The following TBX5 variants were observed in gnomAD, a reference collection of about 807,000 sequenced individuals.
TBX5 encodes the protein T-box transcription factor TBX5.
In TBX5, 8 loss-of-function variants were observed where a neutral mutation model predicts 51.1. The ratio of observed to expected loss-of-function variants is 0.16; its 90% CI spans 0.09 to 0.28. The LOEUF is 0.28. TBX5 is among the 10% of genes least tolerant of loss of function. The pLI, the probability that TBX5 is intolerant of heterozygous loss-of-function variation, is 1.00. For missense variants in TBX5, 589 were observed against 671.7 expected, an observed-to-expected ratio of 0.88 and a Z score of 1.36; for synonymous variants, 302 against 266.4, an observed-to-expected ratio of 1.13 and a Z score of -1.30.
At chr12:114,370,645 C>T (rs1389713831) in intron 7 of TBX5, among the ~76,000 whole-genome samples, 1 of 142,306 alleles carries the variant, frequency 7.0e-6, no homozygotes, top group East Asian at 1.9e-4. Context: ...CTCCCTCTCT[C>T]TCTCTCTCTC....
chr12:114,366,939 G>C (rs572604317), intron 7 of TBX5, among the ~76,000 whole-genome samples: 4 of 152,294 alleles, frequency 2.6e-5, no homozygotes, highest in Admixed American at 2.6e-4. Context: ...CTGAGCTTCT[G>C]TCCTTGTGGC....
chr12:114,364,109 T>C (rs1869384915), intron 8 of TBX5, among the ~76,000 whole-genome samples: 1 of 152,232 alleles, frequency 6.6e-6, no homozygotes, highest in Non-Finnish European at 1.5e-5. Context: ...ATGACAGCTC[T>C]TCCCTCCTTT....
Position 114,372,100 on chromosome 12 carries a change from G to A in TBX5, c.756-5709C>T, listed in dbSNP as rs183068012. 1.1e-3 allele frequency among the ~76,000 whole-genome samples: 167 copies of A among 152,218 alleles called. 2 individuals are homozygous for A. The highest frequency in any genetic ancestry group is 3.4e-3 in the African/African-American group (142 of 41,524). ...AATAACAGACATTGGAGGCTCCGAC[G>A]GGTGGGAGGTGGGTGAGGGATGAGA... On this transcript the variant is annotated intron_variant, in intron 7 of 8. Coordinates refer to ENST00000405440, the MANE Select transcript of TBX5 (RefSeq NM_181486.4).
chr12:114,407,146 G>C, upstream of TBX5: 6 of 982,078 alleles, frequency 6.1e-6, no homozygotes, highest in Non-Finnish European at 7.3e-6. Flanking sequence ...TAAAATCCCA[G>C]GCCAGGCCAT....
chr12:114,397,281 C>G (rs1397651033), intron 5 of TBX5, among the ~76,000 whole-genome samples: 1 of 152,116 alleles, frequency 6.6e-6, no homozygotes, highest in African/African-American at 2.4e-5. Context: ...TTAGAGAGAC[C>G]TAGCCGCAAA....
Position 114,378,631 on chromosome 12 carries a change from G to GT in TBX5, c.755+6844dup, listed in dbSNP as rs112105305. Among the ~76,000 whole-genome samples, 652 of 152,044 alleles carry GT rather than the reference G, an allele frequency of 4.3e-3. 5 individuals carry two copies. The highest frequency in any genetic ancestry group is 0.015 in the African/African-American group (616 of 41,512). On this transcript the variant is annotated intron_variant, in intron 7 of 8. Transcript: ENST00000405440. ...TTGAACCTGTTTTCTGTTTTGTTTTGTTTGTTTTGTTTTGTTTTTTTCGAG... is the reference window on the plus strand; with the variant it reads ...TTGAACCTGTTTTCTGTTTTGTTTTGTTTTGTTTTGTTTTGTTTTTTTCGAG...
rs369415426 is a variant in TBX5 at position 114,402,463 on chromosome 12, G to A, written c.148-543C>T. The stretch of plus-strand genomic sequence containing the variant: ...GATGTGCAAATACTTGCTTATTCTC[G>A]ACCATGGTGAGTGCAAACCTGAACA... On this transcript the variant is annotated intron_variant, in intron 2 of 8. Transcript: ENST00000405440. 4.6e-5 allele frequency among the ~76,000 whole-genome samples: 7 copies of A among 152,222 alleles called. No homozygotes were observed. The East Asian group carries it at 9.7e-4, about 21-fold the overall frequency.
At chr12:114,401,991 C>G in intron 2 of TBX5, 71 bp from the exon 3 acceptor site, 1 of 1,350,238 alleles carries the variant, frequency 7.4e-7, no homozygotes, top group Non-Finnish European at 1.1e-6. Context: ...CAAACTCCCC[C>G]AAAACACAGA....
chr12:114,379,203 C>G (rs1157739356), intron 7 of TBX5, among the ~76,000 whole-genome samples: 1 of 152,160 alleles, frequency 6.6e-6, no homozygotes, highest in Admixed American at 6.5e-5. Context: ...CATGACCCAC[C>G]AATCACAGAC....
intron 7 of TBX5, among the ~76,000 whole-genome samples, chr12:114,368,227 C>G (rs1869661905): frequency 6.6e-6 from 1 of 152,176 alleles, no homozygotes. Flanking sequence ...CATAGCAACT[C>G]AGGAGGCTGA....
intron 7 of TBX5, among the ~76,000 whole-genome samples, chr12:114,372,429 C>T (rs1255848543): frequency 6.6e-6 from 1 of 151,958 alleles, no homozygotes; most frequent in Non-Finnish European, 1.5e-5. Context: ...TTCAGCCTCC[C>T]AGGTAGCTGG....
rs111438196 is a variant in TBX5 at position 114,404,691 on chromosome 12, A to G, written c.-38-755T>C. 7.2e-3 allele frequency among the ~76,000 whole-genome samples: 1,097 copies of G among 152,228 alleles called. 9 individuals carry two copies. The highest frequency in any genetic ancestry group is 0.025 in the African/African-American group (1,047 of 41,548). ...AAGTCACCGTGCAGCCGTTCCGAGG[A>G]AGGCTCGTCACTGGGTGCCCGCCAC... is the stretch of plus-strand genomic sequence containing the variant. On this transcript the variant is annotated intron_variant, in intron 1 of 8. Transcript: ENST00000405440.
chr12:114,403,732 G>A lies in TBX5; in HGVS notation c.147+20C>T. On this transcript the variant is annotated intron_variant, in intron 2 of 8. Transcript: ENST00000405440. Reference sequence around the variant, plus strand: ...GACTTTGATCTCTGCAAAGGGACCCGAAGCGCGAGGTCTCCTTACCTGCTG... The same window carrying A: ...GACTTTGATCTCTGCAAAGGGACCCAAAGCGCGAGGTCTCCTTACCTGCTG... 1 of 1,611,664 alleles carries A rather than the reference G, an allele frequency of 6.2e-7. No individual in the cohort carries two copies. Among genetic ancestry groups the A allele is most frequent in the Non-Finnish European group, 8.5e-7 (1 of 1,179,782 alleles).
At chr12:114,407,284 T>C (rs953263579), upstream of TBX5, among the ~76,000 whole-genome samples, 7 of 152,208 alleles carry the variant, frequency 4.6e-5, no homozygotes, top group Admixed American at 4.6e-4. Flanking sequence ...TATTTTCCCT[T>C]TGCCCAGGCG....
intron 6 of TBX5, among the ~76,000 whole-genome samples, chr12:114,391,255 A>C (rs1871129957): frequency 6.6e-6 from 1 of 152,238 alleles, no homozygotes; most frequent in Non-Finnish European, 1.5e-5. Flanking sequence ...ATGATCAGGG[A>C]ATGAGCCAAC....
Position 114,354,964 on chromosome 12 carries a change from G to A in TBX5, c.*568C>T, listed in dbSNP as rs1026266516. On this transcript the variant is annotated 3_prime_UTR_variant, in exon 9 of 9. Transcript: ENST00000405440. Reference sequence around the variant, plus strand: ...AGGTAGGTGCTTTTCTTAGTCAAGGGGAAACGTGAATTTAGGTTTCAGGGA... The same window carrying A: ...AGGTAGGTGCTTTTCTTAGTCAAGGAGAAACGTGAATTTAGGTTTCAGGGA... 13 of 162,386 alleles carry A rather than the reference G, an allele frequency of 8.0e-5. No individual in the cohort carries two copies. The highest frequency in any genetic ancestry group is 8.1e-5 in the Non-Finnish European group (6 of 73,974). 10.1% of individuals were successfully genotyped at this position (162,386 alleles called of 1,614,324 possible).
chr12:114,406,904 G>A (rs1262039563), upstream of TBX5: 5 of 240,988 alleles, frequency 2.1e-5, no homozygotes, highest in South Asian at 3.0e-4. Flanking sequence ...AACACAGTCA[G>A]TAGGTCTCAG....
At position 114,385,284 on chromosome 12, in the gene TBX5, G is replaced by A. The variant is rs17731453; in HGVS notation, c.755+192C>T. 0.25 allele frequency among the ~76,000 whole-genome samples: 37,549 copies of A among 152,096 alleles called. 4,895 individuals are homozygous for A. The highest frequency in any genetic ancestry group is 0.34 in the South Asian group (1,655 of 4,816). Reference sequence around the variant, plus strand: ...CACTAGAAAATGTATTCTCCAGGTTGCCCAATGGCGCCAACCACATGTGAA... The same window carrying A: ...CACTAGAAAATGTATTCTCCAGGTTACCCAATGGCGCCAACCACATGTGAA... On this transcript the variant is annotated intron_variant, in intron 7 of 8. Transcript: ENST00000405440.
At chr12:114,404,934 C>A (rs779647846) in intron 1 of TBX5, among the ~76,000 whole-genome samples, 11 of 152,210 alleles carry the variant, frequency 7.2e-5, no homozygotes, top group Non-Finnish European at 1.3e-4. Flanking sequence ...GGTTTGCAGG[C>A]GTATGAGCTT....
Sources: gnomAD v4.1 joint callset for allele counts (sites outside exome capture counted in the v4.1 genomes callset) on GRCh38, gnomAD v4.1.1 for gene constraint, MANE v1.5 for transcripts, NCBI Gene and HGNC (gene_info 2026-07-23, HGNC 2026-07-21) for gene names.